C10orf90: variants seen among roughly 807,000 people sequenced by gnomAD.
C10orf90 encodes the protein (E2-independent) E3 ubiquitin-conjugating enzyme FATS.
C10orf90 carries 56 observed loss-of-function variants against 62.5 expected under a neutral mutation model. The observed-to-expected ratio is 0.90, with a 90% CI of 0.72 to 1.12. C10orf90 has a LOEUF of 1.12. Among genes scored for constraint, C10orf90 ranks in the 50% most tolerant of loss-of-function variants. The pLI, the probability that C10orf90 is intolerant of heterozygous loss-of-function variation, is 0.00. For synonymous variants in C10orf90, 386 were observed against 340.4 expected, an observed-to-expected ratio of 1.13 and a Z score of -1.47; for missense variants, 970 against 880.4, an observed-to-expected ratio of 1.10 and a Z score of -1.29.
At chr10:126,534,534 T>C (rs1410610839) in intron 2 of C10orf90, among the ~76,000 whole-genome samples, 1 of 152,200 alleles carries the variant, frequency 6.6e-6, no homozygotes, top group Non-Finnish European at 1.5e-5. Flanking sequence ...TCTCTCCTTT[T>C]ATGGGAGTAT....
At position 126,500,217 on chromosome 10, in the gene C10orf90, C is replaced by A. The variant is rs547785416; in HGVS notation, c.1534+3740G>T. Among the ~76,000 whole-genome samples the A allele has an allele frequency of 1.4e-4, 21 of 152,336 alleles. No homozygotes were observed. In the South Asian group the frequency reaches 4.3e-3, roughly 32 times the overall value. ...GATGTTCATAAGCAGCCTTCAGATA[C>A]CACCTTTGGTAGTGGCAGAGGAGGT... On this transcript the variant is annotated intron_variant, in intron 4 of 9. Coordinates refer to ENST00000488181, the MANE Select transcript of C10orf90 (RefSeq NM_001350921.2).
intron 2 of C10orf90, among the ~76,000 whole-genome samples, chr10:126,597,590 A>G (rs1845112666): frequency 6.6e-6 from 1 of 152,220 alleles, no homozygotes; most frequent in Admixed American, 6.5e-5. Context: ...CAGTAAAAGG[A>G]CAAGAGTAGA....
rs1846721584 is a variant in C10orf90 at position 126,670,259 on chromosome 10, C to T, written c.222G>A (p.Gln74=). Reference sequence around the variant, plus strand: ...GCCATACCTCATATCTGCTGGCTGTCTGCTCAGCCGTCTTCAAGCCTTGAC... The same window carrying T: ...GCCATACCTCATATCTGCTGGCTGTTTGCTCAGCCGTCTTCAAGCCTTGAC... ...HMCQGLKTAE[Q]TASRYEIHSR... Residue 74 remains glutamine (Q), a synonymous_variant, in exon 1 of 10, where the codon CAG becomes CAA. Coordinates refer to ENST00000488181, the MANE Select transcript of C10orf90 (RefSeq NM_001350921.2). The T allele has an allele frequency of 2.2e-6, 1 of 456,576 alleles. No homozygotes were observed. The highest frequency in any genetic ancestry group is 4.4e-6 in the Non-Finnish European group (1 of 226,986). The allele number at this position is 456,576 out of a possible 1,614,324, so 28.3% of individuals were successfully genotyped here. A position where few individuals can be genotyped will look rare whatever the true frequency, so the allele number is the denominator to read the frequency against.
intron 2 of C10orf90, among the ~76,000 whole-genome samples, chr10:126,602,034 G>A (rs1022035451): frequency 1.3e-5 from 2 of 152,206 alleles, no homozygotes; most frequent in African/African-American, 2.4e-5. Context: ...CATCTTTCAC[G>A]TTGCTATGTA....
intron 1 of C10orf90, among the ~76,000 whole-genome samples, chr10:126,649,091 A>C (rs1846240545): frequency 8.9e-6 from 1 of 112,618 alleles, no homozygotes; most frequent in African/African-American, 3.6e-5. Context: ...CCAGCAATTC[A>C]CAATGGATGG....
chr10:126,482,643 AC>A (rs2133807877), intron 4 of C10orf90, among the ~76,000 whole-genome samples: 1 of 152,276 alleles, frequency 6.6e-6, no homozygotes, highest in Non-Finnish European at 1.5e-5. Context: ...AGCCCTTATG[AC>A]TTTTCCCTGG....
intron 4 of C10orf90, among the ~76,000 whole-genome samples, chr10:126,482,620 A>T (rs1003583146): frequency 3.3e-5 from 5 of 152,134 alleles, no homozygotes; most frequent in Non-Finnish European, 7.4e-5. Flanking sequence ...TTACTCCCTA[A>T]CTAGCTAGTA....
chr10:126,443,232 G>GT (rs1858514570), intron 7 of C10orf90, among the ~76,000 whole-genome samples: 1 of 151,932 alleles, frequency 6.6e-6, no homozygotes, highest in Middle Eastern at 3.2e-3. Context: ...CAAAAAGCTG[G>GT]TTTTTTAAAA....
chr10:126,507,970 G>T (rs1017114088), intron 3 of C10orf90, among the ~76,000 whole-genome samples: 1 of 151,022 alleles, frequency 6.6e-6, no homozygotes, highest in African/African-American at 2.4e-5. Context: ...GATCATAATT[G>T]TTCTTGTGTA....
chr10:126,576,711 A>G lies in C10orf90; in HGVS notation c.314-62772T>C, dbSNP rs1267132425. Among the ~76,000 whole-genome samples the G allele has an allele frequency of 2.0e-4, 6 of 30,324 alleles. 1 individual carries two copies. Among genetic ancestry groups the G allele is most frequent in the African/African-American group, 5.5e-4 (3 of 5,440 alleles). The allele number at this position is 30,324 out of a possible 152,430, so 19.9% of individuals were successfully genotyped here. ...TATACATGTATATGTATATGTATAT[A>G]TATACAAGATATACATATATATGTA... On this transcript the variant is annotated intron_variant, in intron 2 of 9. Transcript: ENST00000488181.
intron 1 of C10orf90, among the ~76,000 whole-genome samples, chr10:126,664,349 T>C (rs1437234595): frequency 6.6e-6 from 1 of 152,194 alleles, no homozygotes; most frequent in Non-Finnish European, 1.5e-5. Flanking sequence ...GTGCCGTGGC[T>C]CTGTGTCACT....
chr10:126,434,156 C>T (rs1857761919), intron 7 of C10orf90, among the ~76,000 whole-genome samples: 1 of 152,200 alleles, frequency 6.6e-6, no homozygotes, highest in Non-Finnish European at 1.5e-5. Context: ...GATTTCAGTG[C>T]TTCTGAGAAC....
At chr10:126,605,550 G>A (rs1217977649) in intron 2 of C10orf90, among the ~76,000 whole-genome samples, 3 of 152,220 alleles carry the variant, frequency 2.0e-5, no homozygotes, top group Non-Finnish European at 2.9e-5. Context: ...TCCAGGAGAG[G>A]AGAAAAGATG....
chr10:126,455,981 G>C lies in C10orf90; in HGVS notation c.2188+3059C>G, dbSNP rs577529248. 1.5e-4 allele frequency among the ~76,000 whole-genome samples: 23 copies of C among 152,310 alleles called. No homozygotes were observed. The East Asian group carries it at 3.9e-3, about 26-fold the overall frequency. On this transcript the variant is annotated intron_variant, in intron 7 of 9. Coordinates refer to ENST00000488181, the MANE Select transcript of C10orf90 (RefSeq NM_001350921.2). The stretch of plus-strand genomic sequence containing the variant: ...CTTGAACCTTTCAGGTTCTGCTCCT[G>C]AGCCAAGATTGCTTGACAAGCCCCG...
intron 2 of C10orf90, among the ~76,000 whole-genome samples, chr10:126,544,667 G>A (rs1216973641): frequency 6.6e-6 from 1 of 151,980 alleles, no homozygotes; most frequent in Non-Finnish European, 1.5e-5. Context: ...TAGATTTAGA[G>A]GAAAGAAACT....
intron 2 of C10orf90, among the ~76,000 whole-genome samples, chr10:126,556,355 C>T (rs1300615803): frequency 6.6e-6 from 1 of 152,308 alleles, no homozygotes; most frequent in African/African-American, 2.4e-5. Context: ...TCTCCCTCCA[C>T]GTTTAAATAG....
intron 2 of C10orf90, among the ~76,000 whole-genome samples, chr10:126,577,079 T>C (rs535527750): frequency 1.3e-5 from 2 of 151,924 alleles, no homozygotes; most frequent in African/African-American, 4.8e-5. Flanking sequence ...TAGTGTTCTA[T>C]AGCACAATAG....
At chr10:126,650,610 T>C (rs1465564542) in intron 1 of C10orf90, among the ~76,000 whole-genome samples, 1 of 152,190 alleles carries the variant, frequency 6.6e-6, no homozygotes, top group Non-Finnish European at 1.5e-5. Context: ...TCCTAGGGAA[T>C]AGAGAACTAT....
At chr10:126,636,622 G>C (rs1845955306) in intron 2 of C10orf90, among the ~76,000 whole-genome samples, 1 of 152,132 alleles carries the variant, frequency 6.6e-6, no homozygotes, top group South Asian at 2.1e-4. Context: ...TTCCTTTTCT[G>C]CTGGGAAGCT....
Sources: allele counts gnomAD v4.1 joint callset (sites outside exome capture counted in the v4.1 genomes callset), GRCh38; gene constraint gnomAD v4.1.1; transcripts MANE v1.5; gene names NCBI Gene and HGNC (gene_info 2026-07-23, HGNC 2026-07-21).